The following ASCC3 variants were observed in gnomAD, a reference collection of about 807,000 sequenced individuals.
The protein encoded by ASCC3 is activating signal cointegrator 1 complex subunit 3.
In ASCC3, 158 loss-of-function variants were observed where a neutral mutation model predicts 256.3. The observed-to-expected ratio is 0.62, with a 90% CI of 0.54 to 0.70. The LOEUF is 0.70. Ranked by LOEUF, ASCC3 falls within the 30% of genes least tolerant of loss-of-function variation. ASCC3 has a pLI of 0.00. For synonymous variants in ASCC3, 948 were observed against 883.4 expected (o/e 1.07, Z -1.30); for missense variants, 2,259 against 2,626.0 (o/e 0.86, Z 3.05).
intron 4 of ASCC3, among the ~76,000 whole-genome samples, chr6:100,841,343 T>G (rs1186682882): frequency 6.6e-6 from 1 of 152,024 alleles, no homozygotes; most frequent in Non-Finnish European, 1.5e-5. Flanking sequence ...GAGAAATATT[T>G]TTTTAAAAAA....
chr6:100,715,529 T>G lies in ASCC3; in HGVS notation c.2084A>C (p.Gln695Pro). ...FLGIKCANKMQQLNNMDEVCY... is the reference protein window; with the variant it reads ...FLGIKCANKMPQLNNMDEVCY... Reference sequence around the variant, plus strand: ...TACTTCATCCATGTTATTCAACTGCTGCATCTTGAAGATTTTAAAACATAA... The same window carrying G: ...TACTTCATCCATGTTATTCAACTGCGGCATCTTGAAGATTTTAAAACATAA... Residue 695 changes from glutamine to proline, a missense_variant, in exon 13 of 42, where the codon CAG (glutamine) becomes CCG (proline). Gln to Pro is a moderately conservative substitution (Grantham distance 76, BLOSUM62 -1). Transcript: ENST00000369162. 6.2e-7 allele frequency: 1 copy of G among 1,609,152 alleles called. No homozygotes were observed. The highest frequency in any genetic ancestry group is 1.1e-5 in the South Asian group (1 of 90,780).
At chr6:100,556,870 TAAAG>T (rs1228891300) in intron 36 of ASCC3, among the ~76,000 whole-genome samples, 6 of 151,700 alleles carry the variant, frequency 4.0e-5, no homozygotes, top group East Asian at 3.9e-4. Flanking sequence ...AAAAAAATAA[TAAAG>T]AAAGGACTGA....
chr6:100,696,521 T>C (rs916996305), intron 13 of ASCC3, among the ~76,000 whole-genome samples: 24 of 152,108 alleles, frequency 1.6e-4, no homozygotes, highest in African/African-American at 5.3e-4. Flanking sequence ...TAAGTCCAAA[T>C]ATCAGGTGGA....
intron 12 of ASCC3, among the ~76,000 whole-genome samples, chr6:100,717,574 G>A (rs1779139722): frequency 6.6e-6 from 1 of 151,790 alleles, no homozygotes. Flanking sequence ...TTTTAGAAAT[G>A]CCATTTATAT....
chr6:100,706,338 TA>T (rs940841031), intron 13 of ASCC3, among the ~76,000 whole-genome samples: 10 of 149,510 alleles, frequency 6.7e-5, no homozygotes, highest in African/African-American at 2.0e-4. Flanking sequence ...TATTATGAGT[TA>T]AAAAAAAACA....
At chr6:100,731,655 C>A (rs1226483976) in intron 10 of ASCC3, among the ~76,000 whole-genome samples, 1 of 152,158 alleles carries the variant, frequency 6.6e-6, no homozygotes, top group Admixed American at 6.5e-5. Flanking sequence ...CTAATCGTTA[C>A]AATTGGGATA....
At chr6:100,818,748 C>CAAA (rs56668191) in intron 4 of ASCC3, among the ~76,000 whole-genome samples, 12 of 58,098 alleles carry the variant, frequency 2.1e-4, no homozygotes, top group African/African-American at 5.5e-4. Context: ...AGGCAAAAGC[C>CAAA]AAAAAAAAAA....
At chr6:100,675,300 T>C (rs1361545196) in intron 14 of ASCC3, among the ~76,000 whole-genome samples, 1 of 152,134 alleles carries the variant, frequency 6.6e-6, no homozygotes, top group Non-Finnish European at 1.5e-5. Context: ...ATATTTTGCA[T>C]ATATTTAAAG....
intron 4 of ASCC3, among the ~76,000 whole-genome samples, chr6:100,841,633 T>TAATCC (rs1223804217): frequency 6.6e-6 from 1 of 151,978 alleles, no homozygotes; most frequent in Admixed American, 6.6e-5. Context: ...GTATCCAAAT[T>TAATCC]GTGTTGATAA....
At chr6:100,854,151 G>T (rs1411756266) in intron 3 of ASCC3, among the ~76,000 whole-genome samples, 3 of 149,182 alleles carry the variant, frequency 2.0e-5, no homozygotes, top group South Asian at 2.1e-4. Flanking sequence ...AACAAGCCAG[G>T]TACTTTTTTT....
intron 36 of ASCC3, among the ~76,000 whole-genome samples, chr6:100,555,449 A>T (rs1769524854): frequency 6.6e-6 from 1 of 152,170 alleles, no homozygotes; most frequent in Non-Finnish European, 1.5e-5. Context: ...AATAAATATG[A>T]AGAAGAAATG....
At chr6:100,602,814 G>T (rs1458470128) in intron 33 of ASCC3, among the ~76,000 whole-genome samples, 2 of 151,912 alleles carry the variant, frequency 1.3e-5, no homozygotes, top group Non-Finnish European at 2.9e-5. Flanking sequence ...AAAAAAGGAA[G>T]CAATGTTCAA....
At chr6:100,824,707 T>C (rs1332021101) in intron 4 of ASCC3, among the ~76,000 whole-genome samples, 1 of 152,106 alleles carries the variant, frequency 6.6e-6, no homozygotes, top group Admixed American at 6.5e-5. Context: ...AGAGTATTAA[T>C]ATGGTACATG....
intron 36 of ASCC3, among the ~76,000 whole-genome samples, chr6:100,583,987 G>C (rs1424936915): frequency 6.6e-6 from 1 of 152,136 alleles, no homozygotes; most frequent in Non-Finnish European, 1.5e-5. Flanking sequence ...TACATTTGCT[G>C]AGGAGAGCTC....
In ASCC3 at chr6:100,835,737, C is replaced by A. The variant is rs573747396; in HGVS notation, c.801+12411G>T. ...CAAGATTACTTTGGCTATCCAGGGTCTTCTGTGATTCCATACAAATTTTAG... is the reference window on the plus strand; with the variant it reads ...CAAGATTACTTTGGCTATCCAGGGTATTCTGTGATTCCATACAAATTTTAG... On this transcript the variant is annotated intron_variant, in intron 4 of 41. Transcript: ENST00000369162. 5.9e-5 allele frequency among the ~76,000 whole-genome samples: 9 copies of A among 152,182 alleles called. No homozygotes were observed. In the South Asian group the frequency reaches 1.5e-3, roughly 25 times the overall value.
chr6:100,800,357 T>C lies in ASCC3; in HGVS notation c.1070A>G (p.Asp357Gly), dbSNP rs537592728. The C allele has an allele frequency of 8.7e-6, 14 of 1,612,970 alleles. No homozygotes were observed. The highest frequency in any genetic ancestry group is 1.2e-5 in the Non-Finnish European group (14 of 1,179,386). The change falls in exon 6 of 42, where the codon GAT (aspartate) becomes GGT (glycine). Residue 357 changes from aspartate (D) to glycine (G), a missense_variant. By Grantham distance (94) the Asp-to-Gly change is moderately conservative. Around this residue, in one of 2 missense-constraint regions of ASCC3, gnomAD observed 420 missense variants for 419.3 expected, o/e 1.00. Transcript: ENST00000369162. ...IARREKKAGEDLEVSEGLMCF... is the reference protein window; with the variant it reads ...IARREKKAGEGLEVSEGLMCF... ...CATAAGTCCTTCTGAAACTTCTAAA[T>C]CTTCTCCAGCCTTTTTTTCTCGTCT...
chr6:100,684,081 C>T (rs1406979413), intron 13 of ASCC3, among the ~76,000 whole-genome samples: 3 of 152,006 alleles, frequency 2.0e-5, no homozygotes, highest in South Asian at 2.1e-4. Context: ...AATAATGATT[C>T]AGAAAACTGG....
chr6:100,752,403 C>T (rs1780981185), intron 10 of ASCC3, among the ~76,000 whole-genome samples: 1 of 152,144 alleles, frequency 6.6e-6, no homozygotes, highest in South Asian at 2.1e-4. Context: ...TATATGGAAA[C>T]CCAAATAAAG....
rs192111431 is a variant in ASCC3 at position 100,569,508 on chromosome 6, G to A, written c.5550+20126C>T. ...CACCATTCTCCTGCCTCAGCCTCCCGAGTAGCTGGGACTACAGGACCCCAC... is the reference window on the plus strand; with the variant it reads ...CACCATTCTCCTGCCTCAGCCTCCCAAGTAGCTGGGACTACAGGACCCCAC... On this transcript the variant is annotated intron_variant, in intron 36 of 41. Coordinates refer to ENST00000369162, the MANE Select transcript of ASCC3 (RefSeq NM_006828.4). Among the ~76,000 whole-genome samples the A allele has an allele frequency of 9.9e-5, 15 of 151,840 alleles. No homozygotes were observed. The East Asian group carries it at 2.5e-3, about 26-fold the overall frequency.
Sources: gnomAD v4.1 joint callset for allele counts (sites outside exome capture counted in the v4.1 genomes callset) on GRCh38, gnomAD v4.1.1 for gene constraint, gnomAD v4.1.1 regional missense constraint, MANE v1.5 for transcripts, NCBI Gene and HGNC (gene_info 2026-07-23, HGNC 2026-07-21) for gene names.